RBFOX3: variants seen among roughly 807,000 people sequenced by gnomAD.
The protein encoded by RBFOX3 is RNA binding fox-1 homolog 3.
RBFOX3 carries 17 observed loss-of-function variants against 48.7 expected under a neutral mutation model. That is an observed-to-expected ratio of 0.35 (90% CI 0.24 to 0.52). The LOEUF is 0.52. Ranked by LOEUF, RBFOX3 falls within the 20% of genes least tolerant of loss-of-function variation. The probability of loss-of-function intolerance (pLI) is 0.94; values close to 1 mark genes in which losing one functional copy is unlikely to be tolerated. For synonymous variants in RBFOX3, 212 were observed against 209.5 expected, an observed-to-expected ratio of 1.01 and a Z score of -0.10; for missense variants, 382 against 497.5, an observed-to-expected ratio of 0.77 and a Z score of 2.21.
At chr17:79,431,407 G>A (rs188200209) in intron 2 of RBFOX3, among the ~76,000 whole-genome samples, 6 of 152,014 alleles carry the variant, frequency 3.9e-5, no homozygotes, top group African/African-American at 9.7e-5. Context: ...TCCATCTCCC[G>A]GGTTCAAACG....
rs1169334036 is a variant in RBFOX3 at position 79,097,293 on chromosome 17, C to A, written c.754G>T (p.Ala252Ser). ...GCCTCCCCCGGCCCAGGTACTCACG[C>A]TCCGTAAGTCGGGATGGGGGGTGGG... ...PPPPPIPTYG[A>S]ALEQTLVKMP... Residue 252 changes from alanine to serine, a missense_variant and splice_region_variant, in exon 11 of 15, where the codon GCG (alanine) becomes TCG (serine). This residue lies in a region of RBFOX3 where 215 missense variants were observed against 254.8 expected (regional missense o/e 0.84). Coordinates refer to ENST00000693108, the MANE Select transcript of RBFOX3 (RefSeq NM_001350451.2). 1 of 1,541,232 alleles carries A rather than the reference C, an allele frequency of 6.5e-7. No homozygotes were observed. Among genetic ancestry groups the A allele is most frequent in the Non-Finnish European group, 8.8e-7 (1 of 1,141,406 alleles).
chr17:79,437,271 G>C (rs954932056), intron 2 of RBFOX3, among the ~76,000 whole-genome samples: 15 of 152,210 alleles, frequency 9.9e-5, no homozygotes, highest in African/African-American at 3.1e-4. Flanking sequence ...GGCTGGCCCT[G>C]ACTGACAGCT....
chr17:79,321,898 G>A (rs891918830), intron 2 of RBFOX3, among the ~76,000 whole-genome samples: 1 of 152,092 alleles, frequency 6.6e-6, no homozygotes, highest in Non-Finnish European at 1.5e-5. Flanking sequence ...TACAGATGGG[G>A]TTTCACCATG....
intron 3 of RBFOX3, among the ~76,000 whole-genome samples, chr17:79,253,720 TC>T (rs1335642498): frequency 6.6e-6 from 1 of 152,124 alleles, no homozygotes; most frequent in African/African-American, 2.4e-5. Context: ...GGCAGGGGTG[TC>T]CCCAGATGAG....
At chr17:79,463,475 T>G (rs1598805657) in intron 2 of RBFOX3, among the ~76,000 whole-genome samples, 1 of 64,592 alleles carries the variant, frequency 1.5e-5, no homozygotes, top group Admixed American at 1.8e-4. Flanking sequence ...CACTGCCACC[T>G]CCACTGCCAT....
At chr17:79,601,417 G>C (rs2093703298) in intron 1 of RBFOX3, 1 of 152,256 alleles carries the variant, frequency 6.6e-6, no homozygotes, top group Non-Finnish European at 1.5e-5. Flanking sequence ...TGGTCCAGGA[G>C]GTTTAGCCAC....
intron 1 of RBFOX3, among the ~76,000 whole-genome samples, chr17:79,517,489 G>A (rs917150373): frequency 6.6e-6 from 1 of 151,170 alleles, no homozygotes; most frequent in Admixed American, 6.6e-5. Context: ...AAGGAAGGAG[G>A]AAAATGATGG....
chr17:79,412,140 T>G (rs932181781), intron 2 of RBFOX3, among the ~76,000 whole-genome samples: 1 of 152,148 alleles, frequency 6.6e-6, no homozygotes, highest in Admixed American at 6.5e-5. Context: ...TATGCACGTG[T>G]TGTGCATGAT....
At chr17:79,635,828 C>T in the RBFOX3 span, among the ~76,000 whole-genome samples, 5 of 152,246 alleles carry the variant, frequency 3.3e-5, no homozygotes, top group African/African-American at 1.2e-4. Flanking sequence ...AGAGGCTCCA[C>T]CTCATTCATC....
intron 2 of RBFOX3, among the ~76,000 whole-genome samples, chr17:79,393,616 C>T (rs1019247919): frequency 2.6e-5 from 4 of 152,072 alleles, no homozygotes; most frequent in South Asian, 2.1e-4. Context: ...TCACATACAT[C>T]GGAGCCGGTC....
At chr17:79,128,717 C>T (rs79795503) in intron 4 of RBFOX3, among the ~76,000 whole-genome samples, 2 of 152,208 alleles carry the variant, frequency 1.3e-5, no homozygotes, top group African/African-American at 4.8e-5. Flanking sequence ...CCTGCCCCTG[C>T]TCCTGTGGGG....
chr17:79,300,060 A>G (rs563144257), intron 3 of RBFOX3, among the ~76,000 whole-genome samples: 6 of 152,220 alleles, frequency 3.9e-5, no homozygotes, highest in Admixed American at 6.5e-5. Context: ...ATCTGCCAGC[A>G]CACCCCCTAA....
chr17:79,501,051 A>C (rs902799864), intron 1 of RBFOX3, among the ~76,000 whole-genome samples: 4 of 152,232 alleles, frequency 2.6e-5, no homozygotes, highest in Non-Finnish European at 5.9e-5. Context: ...CTGCAAGACC[A>C]TTAGGGATTC....
At chr17:79,546,886 T>C (rs995512151) in intron 1 of RBFOX3, among the ~76,000 whole-genome samples, 2 of 151,332 alleles carry the variant, frequency 1.3e-5, no homozygotes, top group South Asian at 4.2e-4. Flanking sequence ...GTCAGGCTGG[T>C]CTCAAGCTCC....
rs1166587003 is a variant in RBFOX3 at position 79,482,016 on chromosome 17, G to A, written c.-175+438C>T. 2.0e-5 allele frequency among the ~76,000 whole-genome samples: 3 copies of A among 152,208 alleles called. No homozygotes were observed. Among genetic ancestry groups the A allele is most frequent in the South Asian group, 2.1e-4 (1 of 4,816 alleles). On this transcript the variant is annotated intron_variant, in intron 2 of 14. Transcript: ENST00000693108. The surrounding 1 kb of genome is among the most constrained non-coding windows in gnomAD (Gnocchi z 4.1). ...GGGGTGGGAACAGAGGCATCATGCC[G>A]TCCCCTCTAGAGCCACAGGAAGGCT...
chr17:79,555,638 C>T (rs2091659282), intron 1 of RBFOX3, among the ~76,000 whole-genome samples: 2 of 144,854 alleles, frequency 1.4e-5, no homozygotes, highest in African/African-American at 2.6e-5. Flanking sequence ...GTGATTATGT[C>T]AGTGATGGTG....
At chr17:79,458,959 C>T (rs1336677891) in intron 2 of RBFOX3, among the ~76,000 whole-genome samples, 1 of 152,248 alleles carries the variant, frequency 6.6e-6, no homozygotes, top group Non-Finnish European at 1.5e-5. Context: ...GCTGGGGCAC[C>T]TGCCTGTGCA....
In RBFOX3 at chr17:79,403,782, C is replaced by CTTTT. The variant is rs781618072; in HGVS notation, c.-175+78668_-175+78671dup. On this transcript the variant is annotated intron_variant, in intron 2 of 14. Coordinates refer to ENST00000693108, the MANE Select transcript of RBFOX3 (RefSeq NM_001350451.2). ...GCACAAGCTCCCAGATGTTCTTTTT[C>CTTTT]TTTTTTTTTTTTTTTTTTTGAGATG... Among the ~76,000 whole-genome samples, 26 of 124,338 alleles carry CTTTT rather than the reference C, an allele frequency of 2.1e-4. 1 individual carries two copies. Among genetic ancestry groups the CTTTT allele is most frequent in the Non-Finnish European group, 3.1e-4 (19 of 61,454 alleles). 81.6% of individuals were successfully genotyped at this position (124,338 alleles called of 152,430 possible).
In RBFOX3 at chr17:79,200,893, C is replaced by G. The variant is rs140164852; in HGVS notation, c.-34+34873G>C. Reference sequence around the variant, plus strand: ...AAATCCACCCAGCCTTTCACCCCCTCCTGCGTCCTCGTCTCTGTGTGCGGC... The same window carrying G: ...AAATCCACCCAGCCTTTCACCCCCTGCTGCGTCCTCGTCTCTGTGTGCGGC... On this transcript the variant is annotated intron_variant, in intron 4 of 14. Transcript: ENST00000693108. 6.7e-3 allele frequency among the ~76,000 whole-genome samples: 1,014 copies of G among 152,164 alleles called. 15 individuals are homozygous for G. Among genetic ancestry groups the G allele is most frequent in the African/African-American group, 0.023 (963 of 41,480 alleles).
Sources: gnomAD v4.1 joint callset for allele counts (sites outside exome capture counted in the v4.1 genomes callset) on GRCh38, gnomAD v4.1.1 for gene constraint, gnomAD v4.1.1 regional missense constraint, Gnocchi (gnomAD v3.1) non-coding constraint, MANE v1.5 for transcripts, NCBI Gene and HGNC (gene_info 2026-07-23, HGNC 2026-07-21) for gene names.